The following RBFOX1 variants were observed in gnomAD, a reference collection of about 807,000 sequenced individuals.
RBFOX1 encodes RNA binding fox-1 homolog 1.
RBFOX1 carries 8 observed loss-of-function variants against 57.7 expected under a neutral mutation model. The observed-to-expected ratio is 0.14, with a 90% confidence interval of 0.08 to 0.25. The LOEUF (loss-of-function observed/expected upper bound fraction) is 0.25. RBFOX1 is among the 10% of genes least tolerant of loss of function. The pLI is 1.00. For missense variants in RBFOX1, 611 were observed against 548.5 expected (o/e 1.11, Z -1.14); for synonymous variants, 326 against 222.4 (o/e 1.47, Z -4.15).
intron 1 of RBFOX1, among the ~76,000 whole-genome samples, chr16:5,241,699 A>T (rs972975087): frequency 1.3e-5 from 2 of 152,232 alleles, no homozygotes; most frequent in Non-Finnish European, 2.9e-5. Flanking sequence ...AGAAGCACTT[A>T]GCGTTGTGCC....
chr16:5,833,943 C>T (rs889038939), intron 3 of RBFOX1, among the ~76,000 whole-genome samples: 1 of 152,178 alleles, frequency 6.6e-6, no homozygotes, highest in African/African-American at 2.4e-5. Flanking sequence ...TTTTGTGGCA[C>T]GTGTTTGAAG....
intron 14 of RBFOX1, among the ~76,000 whole-genome samples, chr16:7,698,952 C>G (rs1336437227): frequency 4.6e-5 from 7 of 152,132 alleles, no homozygotes; most frequent in African/African-American, 1.4e-4. Flanking sequence ...AGTGCTGTAT[C>G]CATGCATGCA....
chr16:6,784,604 G>C (rs2081603405), intron 3 of RBFOX1, among the ~76,000 whole-genome samples: 1 of 152,022 alleles, frequency 6.6e-6, no homozygotes, highest in South Asian at 2.1e-4. Flanking sequence ...TGTATCTCTA[G>C]GATTGATCAC....
At chr16:7,038,251 T>C (rs2045124169) in intron 3 of RBFOX1, among the ~76,000 whole-genome samples, 1 of 152,118 alleles carries the variant, frequency 6.6e-6, no homozygotes, top group Non-Finnish European at 1.5e-5. Flanking sequence ...CAGGACATTT[T>C]GGTGAGTATT....
At chr16:6,538,759 T>TG (rs753652325) in intron 2 of RBFOX1, among the ~76,000 whole-genome samples, 2 of 152,152 alleles carry the variant, frequency 1.3e-5, no homozygotes, top group African/African-American at 2.4e-5. Context: ...AGCTGTTGGT[T>TG]GTTTTTTTTC....
At chr16:5,628,411 G>C (rs762029512) in intron 3 of RBFOX1, among the ~76,000 whole-genome samples, 25 of 152,216 alleles carry the variant, frequency 1.6e-4, no homozygotes, top group Non-Finnish European at 2.1e-4. Flanking sequence ...GTCAAAAGGA[G>C]CTCTGAGTTT....
intron 4 of RBFOX1, among the ~76,000 whole-genome samples, chr16:7,282,336 G>T (rs551486062): frequency 2.2e-4 from 33 of 152,292 alleles, no homozygotes; most frequent in Middle Eastern, 3.4e-3. Flanking sequence ...CCAACTCATT[G>T]CAAGGCACAG....
chr16:5,641,784 T>C (rs2048883945), intron 3 of RBFOX1, among the ~76,000 whole-genome samples: 1 of 152,170 alleles, frequency 6.6e-6, no homozygotes, highest in Non-Finnish European at 1.5e-5. Flanking sequence ...TGAAGACCAG[T>C]GCATCTCAAA....
chr16:6,644,246 G>GCT lies in RBFOX1; in HGVS notation c.-63-10357_-63-10356insCT, dbSNP rs1359381012. On this transcript the variant is annotated intron_variant, in intron 2 of 15. Coordinates refer to ENST00000550418, the MANE Select transcript of RBFOX1 (RefSeq NM_018723.4). ...TGTTATTTTCACAACAATAGGCAAT[G>GCT]TAAGCATGCATCCAAACTATCAGAA... 3.9e-5 allele frequency among the ~76,000 whole-genome samples: 6 copies of GCT among 152,316 alleles called. No homozygotes were observed. The East Asian group carries it at 1.2e-3, about 29-fold the overall frequency.
intron 3 of RBFOX1, among the ~76,000 whole-genome samples, chr16:5,634,379 G>A (rs2048616690): frequency 1.3e-5 from 2 of 152,308 alleles, no homozygotes; most frequent in Admixed American, 6.5e-5. Context: ...GGTCTCAAAT[G>A]TAATTGAGAC....
intron 1 of RBFOX1, among the ~76,000 whole-genome samples, chr16:6,059,555 A>G (rs547631023): frequency 5.3e-5 from 8 of 152,270 alleles, no homozygotes; most frequent in African/African-American, 1.9e-4. Context: ...AAAGGGAACT[A>G]TTCAAAGTTC....
intron 2 of RBFOX1, among the ~76,000 whole-genome samples, chr16:6,448,415 C>G (rs968386537): frequency 6.6e-6 from 1 of 152,048 alleles, no homozygotes. Flanking sequence ...CCTTGGCCTC[C>G]CAAAGTGCTG....
intron 1 of RBFOX1, among the ~76,000 whole-genome samples, chr16:5,269,428 C>T (rs1225765211): frequency 6.6e-6 from 1 of 152,258 alleles, no homozygotes; most frequent in African/African-American, 2.4e-5. Flanking sequence ...TGAATAATTA[C>T]ATTAGCATCA....
chr16:5,475,368 C>G (rs914974114), intron 2 of RBFOX1, among the ~76,000 whole-genome samples: 3 of 152,200 alleles, frequency 2.0e-5, no homozygotes, highest in African/African-American at 4.8e-5. Context: ...GAAAAGGCTG[C>G]TGTAACCCTT....
chr16:6,574,344 C>T (rs1055593027), intron 2 of RBFOX1, among the ~76,000 whole-genome samples: 1 of 151,060 alleles, frequency 6.6e-6, no homozygotes, highest in Non-Finnish European at 1.5e-5. Flanking sequence ...TCTGCCTGTG[C>T]GTCAGTTTTT....
intron 14 of RBFOX1, among the ~76,000 whole-genome samples, chr16:7,702,404 G>C (rs939902836): frequency 1.2e-4 from 19 of 152,224 alleles, no homozygotes; most frequent in African/African-American, 4.1e-4. Flanking sequence ...GAATTGCCAA[G>C]AGATTTGTCA....
chr16:5,322,310 C>T (rs1025803874), intron 1 of RBFOX1, among the ~76,000 whole-genome samples: 1 of 152,164 alleles, frequency 6.6e-6, no homozygotes, highest in Non-Finnish European at 1.5e-5. Flanking sequence ...AGATACATTC[C>T]TCACTCAACC....
At chr16:6,985,366 T>C (rs1055205190) in intron 3 of RBFOX1, among the ~76,000 whole-genome samples, 14 of 152,178 alleles carry the variant, frequency 9.2e-5, no homozygotes, top group African/African-American at 1.4e-4. Context: ...ACAAAAGATA[T>C]ATGGTCTTAT....
chr16:7,531,995 C>T (rs901848221), intron 5 of RBFOX1, among the ~76,000 whole-genome samples: 1 of 152,122 alleles, frequency 6.6e-6, no homozygotes, highest in Non-Finnish European at 1.5e-5. Context: ...CTGGATTTCC[C>T]AGAGAAACTT....
Sources: allele counts gnomAD v4.1 joint callset (sites outside exome capture counted in the v4.1 genomes callset), GRCh38; gene constraint gnomAD v4.1.1; transcripts MANE v1.5; gene names NCBI Gene and HGNC (gene_info 2026-07-23, HGNC 2026-07-21).